The following KCND2 variants were observed in gnomAD, a reference collection of about 807,000 sequenced individuals.
KCND2 encodes the protein potassium voltage-gated channel subfamily D member 2, also known as A-type voltage-gated potassium channel KCND2.
A neutral mutation model predicts 54.4 loss-of-function variants in KCND2; 16 were observed. The observed-to-expected ratio is 0.29, with a 90% CI of 0.20 to 0.45. KCND2 has a LOEUF of 0.45. Among genes scored for constraint, KCND2 ranks in the 20% least tolerant of loss-of-function variants. The pLI is 1.00. For missense variants in KCND2, 486 were observed against 824.2 expected (o/e 0.59, Z 5.02); for synonymous variants, 317 against 310.7 (o/e 1.02, Z -0.21).
Position 120,742,619 on chromosome 7 carries a change from A to T in KCND2, c.1467+17A>T. Reference sequence around the variant, plus strand: ...AAAACCACGGTAAGGAGACAGCATGACTGCCTTCCCTTGCTCTCTGACAGT... The same window carrying T: ...AAAACCACGGTAAGGAGACAGCATGTCTGCCTTCCCTTGCTCTCTGACAGT... On this transcript the variant is annotated intron_variant, in intron 4 of 5. Coordinates refer to ENST00000331113, the MANE Select transcript of KCND2 (RefSeq NM_012281.3). 1 of 1,587,410 alleles carries T rather than the reference A, an allele frequency of 6.3e-7. No individual in the cohort carries two copies. The highest frequency in any genetic ancestry group is 1.3e-5 in the African/African-American group (1 of 74,412).
chr7:120,562,003 G>C (rs534033289), intron 1 of KCND2, among the ~76,000 whole-genome samples: 15 of 152,144 alleles, frequency 9.9e-5, no homozygotes, highest in Non-Finnish European at 1.9e-4. Flanking sequence ...AGGAGTAGAA[G>C]TTGGTAATGA....
intron 1 of KCND2, among the ~76,000 whole-genome samples, chr7:120,640,120 T>A (rs1793353097): frequency 6.6e-6 from 1 of 152,180 alleles, no homozygotes; most frequent in Admixed American, 6.6e-5. Flanking sequence ...TTTTAGCCTA[T>A]CCTGTGGTGT....
intron 1 of KCND2, among the ~76,000 whole-genome samples, chr7:120,582,972 G>GTA (rs879755209): frequency 1.3e-5 from 2 of 151,818 alleles, no homozygotes; most frequent in East Asian, 3.9e-4. Context: ...GTGTGTGTGT[G>GTA]TGTGTGTATG....
intron 1 of KCND2, among the ~76,000 whole-genome samples, chr7:120,588,996 AAGC>A (rs1470965958): frequency 2.0e-5 from 3 of 152,184 alleles, no homozygotes; most frequent in Non-Finnish European, 2.9e-5. Flanking sequence ...TCATAAATGA[AAGC>A]AATAAAACAT....
At chr7:120,397,991 GTGTGTATATATATATATATATATA>G (rs1199161986) in intron 1 of KCND2, among the ~76,000 whole-genome samples, 20 of 37,838 alleles carry the variant, frequency 5.3e-4, no homozygotes, top group African/African-American at 1.3e-3. Context: ...GTGTGTGTGT[GTGTGTATATATATATATATATATA>G]TATATATATA....
chr7:120,374,577 A>G (rs1563025817), intron 1 of KCND2, among the ~76,000 whole-genome samples: 1 of 151,780 alleles, frequency 6.6e-6, no homozygotes, highest in Non-Finnish European at 1.5e-5. Context: ...TAAGCGTCTT[A>G]ATATATACTT....
intron 1 of KCND2, among the ~76,000 whole-genome samples, chr7:120,571,298 AAGAT>A (rs754531738): frequency 2.0e-5 from 3 of 152,210 alleles, no homozygotes; most frequent in African/African-American, 4.8e-5. Flanking sequence ...AAGAGAGAAA[AAGAT>A]AGAAAAATAT....
intron 1 of KCND2, among the ~76,000 whole-genome samples, chr7:120,408,566 G>A (rs1039456292): frequency 3.9e-5 from 6 of 151,960 alleles, no homozygotes; most frequent in East Asian, 3.9e-4. Flanking sequence ...TTTAAGACTC[G>A]AATTATGCAA....
intron 1 of KCND2, among the ~76,000 whole-genome samples, chr7:120,669,903 C>G (rs905715884): frequency 6.6e-5 from 10 of 152,054 alleles, no homozygotes; most frequent in African/African-American, 2.4e-4. Context: ...TACACATTCA[C>G]TCTTAATGGA....
At chr7:120,504,728 C>G (rs931390099) in intron 1 of KCND2, among the ~76,000 whole-genome samples, 2 of 151,754 alleles carry the variant, frequency 1.3e-5, no homozygotes, top group African/African-American at 4.8e-5. Flanking sequence ...ATGGAAAGCT[C>G]TGCAAAGTAT....
At chr7:120,373,317 C>G (rs1224543814) in intron 1 of KCND2, among the ~76,000 whole-genome samples, 2 of 151,760 alleles carry the variant, frequency 1.3e-5, no homozygotes, top group East Asian at 3.9e-4. Context: ...AGAGCCTGCC[C>G]CTAGGCCCTG....
chr7:120,538,882 G>A (rs1791944553), intron 1 of KCND2, among the ~76,000 whole-genome samples: 1 of 152,108 alleles, frequency 6.6e-6, no homozygotes, highest in Admixed American at 6.6e-5. Context: ...CTGGAGGACT[G>A]CCCAGGCTCC....
intron 1 of KCND2, among the ~76,000 whole-genome samples, chr7:120,521,356 A>AT (rs1791689555): frequency 6.6e-6 from 1 of 151,914 alleles, no homozygotes; most frequent in Admixed American, 6.6e-5. Context: ...AAATGTTTTT[A>AT]TTTTTCAAGT....
chr7:120,305,541 A>T, intron 1 of KCND2, among the ~76,000 whole-genome samples: 1 of 152,060 alleles, frequency 6.6e-6, no homozygotes, highest in Non-Finnish European at 1.5e-5. Flanking sequence ...AGTTTCCCTT[A>T]TTCTCAAACA....
intron 1 of KCND2, among the ~76,000 whole-genome samples, chr7:120,297,812 G>T (rs961376601): frequency 3.3e-5 from 5 of 151,996 alleles, no homozygotes; most frequent in African/African-American, 1.2e-4. Flanking sequence ...TTTTATGTTT[G>T]TTCTGTTGAG....
chr7:120,528,909 T>G (rs1791809746), intron 1 of KCND2, among the ~76,000 whole-genome samples: 2 of 152,220 alleles, frequency 1.3e-5, no homozygotes, highest in South Asian at 4.1e-4. Context: ...TAAACCTATA[T>G]AGCTAATTGC....
At chr7:120,577,395 G>A (rs1792448633) in intron 1 of KCND2, among the ~76,000 whole-genome samples, 1 of 151,930 alleles carries the variant, frequency 6.6e-6, no homozygotes, top group Admixed American at 6.6e-5. Flanking sequence ...ACTGATTGTG[G>A]AAGATATCTT....
intron 1 of KCND2, among the ~76,000 whole-genome samples, chr7:120,283,474 G>GT (rs888640513): frequency 6.6e-6 from 1 of 152,072 alleles, no homozygotes. Flanking sequence ...TCCTTCATTA[G>GT]TTTTTTATAT....
chr7:120,592,409 G>A lies in KCND2; in HGVS notation c.1116-140494G>A, dbSNP rs962639642. On this transcript the variant is annotated intron_variant, in intron 1 of 5. Transcript: ENST00000331113. ...TCTAAAGATACAAAAATTAGCGGGCGTGGTGGTGATCCCAGCTACTCAGGA... is the reference window on the plus strand; with the variant it reads ...TCTAAAGATACAAAAATTAGCGGGCATGGTGGTGATCCCAGCTACTCAGGA... Among the ~76,000 whole-genome samples, 16 of 152,028 alleles carry A rather than the reference G, an allele frequency of 1.1e-4. No homozygotes were observed. In the East Asian group the frequency reaches 1.5e-3, roughly 15 times the overall value.
Sources: allele counts gnomAD v4.1 joint callset (sites outside exome capture counted in the v4.1 genomes callset), GRCh38; gene constraint gnomAD v4.1.1; transcripts MANE v1.5; gene names NCBI Gene and HGNC (gene_info 2026-07-23, HGNC 2026-07-21).